RPS6KA2: variants seen among roughly 807,000 people sequenced by gnomAD.
RPS6KA2 encodes the protein ribosomal protein S6 kinase alpha-2.
A neutral mutation model predicts 91.8 loss-of-function variants in RPS6KA2; 42 were observed. That is an observed-to-expected ratio of 0.46 (90% CI 0.36 to 0.59). RPS6KA2 has a LOEUF of 0.59. RPS6KA2 is among the 20% of genes least tolerant of loss of function. The pLI, the probability that RPS6KA2 is intolerant of heterozygous loss-of-function variation, is 0.00. For synonymous variants in RPS6KA2, 414 were observed against 393.6 expected, an observed-to-expected ratio of 1.05 and a Z score of -0.61; for missense variants, 798 against 978.5, an observed-to-expected ratio of 0.82 and a Z score of 2.46.
intron 2 of RPS6KA2, among the ~76,000 whole-genome samples, chr6:166,853,773 C>T (rs1427077573): frequency 6.6e-6 from 1 of 152,258 alleles, no homozygotes; most frequent in Non-Finnish European, 1.5e-5. Context: ...GCCTGCAGGG[C>T]AGTCCCCAGG....
intron 2 of RPS6KA2, among the ~76,000 whole-genome samples, chr6:166,783,441 T>C (rs1778825441): frequency 6.6e-6 from 1 of 152,100 alleles, no homozygotes; most frequent in African/African-American, 2.4e-5. Flanking sequence ...CCCTGTGAAC[T>C]TGTGACTTGC....
chr6:166,478,711 G>A (rs1220258949), intron 10 of RPS6KA2, among the ~76,000 whole-genome samples: 1 of 152,192 alleles, frequency 6.6e-6, no homozygotes, highest in Non-Finnish European at 1.5e-5. Context: ...TGTCAGATGA[G>A]CAGGAAGCAA....
chr6:166,676,412 G>A (rs995272032), intron 2 of RPS6KA2, among the ~76,000 whole-genome samples: 3 of 152,164 alleles, frequency 2.0e-5, no homozygotes, highest in Middle Eastern at 3.4e-3. Flanking sequence ...CCCCAGGCCG[G>A]TCTCCCCTAG....
chr6:166,771,926 G>A (rs974394055), intron 2 of RPS6KA2, among the ~76,000 whole-genome samples: 21 of 152,168 alleles, frequency 1.4e-4, no homozygotes, highest in African/African-American at 5.1e-4. Context: ...CCTGCACTGC[G>A]GGTGCCCATT....
chr6:166,639,573 G>T lies in RPS6KA2; in HGVS notation c.124-100789C>A, dbSNP rs1787362759. Among the ~76,000 whole-genome samples the T allele has an allele frequency of 6.6e-6, 1 of 152,152 alleles. No homozygotes were observed. Among genetic ancestry groups the T allele is most frequent in the African/African-American group, 2.4e-5 (1 of 41,408 alleles). ...CCCCAGACTCTGTTCTTCCTAGCCA[G>T]GCCTTCTTCCATGTTGCGTTTGCCT... is the stretch of plus-strand genomic sequence containing the variant. On this transcript the variant is annotated intron_variant, in intron 2 of 21. Transcript: ENST00000503859. This position sits in a 1 kb window ranked among gnomAD's most constrained non-coding sequence, Gnocchi z 4.2.
At position 166,490,559 on chromosome 6, in the gene RPS6KA2, C is replaced by G. The variant is rs185241168; in HGVS notation, c.818+112G>C. 3 of 759,008 alleles carry G rather than the reference C, an allele frequency of 4.0e-6. No homozygotes were observed. Among genetic ancestry groups the G allele is most frequent in the African/African-American group, 3.5e-5 (2 of 56,796 alleles). 47.0% of individuals were successfully genotyped at this position (759,008 alleles called of 1,614,324 possible). On this transcript the variant is annotated intron_variant, in intron 9 of 20. Coordinates refer to ENST00000265678, the MANE Select transcript of RPS6KA2 (RefSeq NM_021135.6). This position sits in a 1 kb window ranked among gnomAD's most constrained non-coding sequence, Gnocchi z 4.2. ...TAGAAAACAGCTTACAATACTTTGG[C>G]ACTGTAAGCCTAGCAATGTAATTAA...
intron 2 of RPS6KA2, among the ~76,000 whole-genome samples, chr6:166,674,379 C>T (rs1010724146): frequency 2.6e-5 from 4 of 152,086 alleles, no homozygotes; most frequent in African/African-American, 7.2e-5. Context: ...CTGTGGTGTC[C>T]GTTCTGATGG....
At chr6:166,451,051 C>T (rs1423644450) in intron 13 of RPS6KA2, 52 bp downstream of exon 13, 4 of 1,607,814 alleles carry the variant, frequency 2.5e-6, no homozygotes, top group Admixed American at 1.7e-5. Flanking sequence ...CAGAGTCACC[C>T]ATCATCCAAG....
Position 166,702,179 on chromosome 6 carries a change from G to C in RPS6KA2, c.123+156021C>G, listed in dbSNP as rs758013585. Reference sequence around the variant, plus strand: ...GGTCTGTTTGGTGATGTTCCGAATGGTGGCACCTTCTTTTCCTATAATGGC... The same window carrying C: ...GGTCTGTTTGGTGATGTTCCGAATGCTGGCACCTTCTTTTCCTATAATGGC... On this transcript the variant is annotated intron_variant, in intron 2 of 21. Coordinates refer to the RPS6KA2 transcript ENST00000503859. 784 of 1,601,902 alleles carry C rather than the reference G, an allele frequency of 4.9e-4. 1 individual carries two copies. Among genetic ancestry groups the C allele is most frequent in the Non-Finnish European group, 6.0e-4 (706 of 1,169,036 alleles).
chr6:166,553,964 T>G (rs1784100164), intron 1 of RPS6KA2, among the ~76,000 whole-genome samples: 1 of 152,176 alleles, frequency 6.6e-6, no homozygotes, highest in Non-Finnish European at 1.5e-5. Context: ...GGTCAAAGTC[T>G]GTTCATGGGA....
chr6:166,817,731 T>C (rs923436061), intron 2 of RPS6KA2, among the ~76,000 whole-genome samples: 14 of 152,068 alleles, frequency 9.2e-5, no homozygotes, highest in Middle Eastern at 6.8e-3. Context: ...TTTCTTTTTT[T>C]TTTTTGTTTG....
chr6:166,578,553 G>A (rs925532609), intron 1 of RPS6KA2, among the ~76,000 whole-genome samples: 1 of 152,214 alleles, frequency 6.6e-6, no homozygotes, highest in African/African-American at 2.4e-5. Context: ...GCAGAAGAAA[G>A]CAAGCATCCC....
chr6:166,548,672 T>A (rs1262351495), intron 1 of RPS6KA2, among the ~76,000 whole-genome samples: 1 of 152,204 alleles, frequency 6.6e-6, no homozygotes, highest in Middle Eastern at 3.2e-3. Context: ...CCATCTCTTA[T>A]ACAATAATTA....
intron 2 of RPS6KA2, among the ~76,000 whole-genome samples, chr6:166,698,820 T>A (rs773090457): frequency 6.6e-6 from 1 of 152,164 alleles, no homozygotes; most frequent in African/African-American, 2.4e-5. Context: ...ACCAGCCTGG[T>A]TGGAGGACGG....
At chr6:166,837,105 C>G (rs79355261) in intron 2 of RPS6KA2, among the ~76,000 whole-genome samples, 1 of 152,126 alleles carries the variant, frequency 6.6e-6, no homozygotes, top group South Asian at 2.1e-4. Context: ...CGAGGAAGAC[C>G]GACGCTGTCC....
chr6:166,613,975 T>C (rs1189995920), intron 1 of RPS6KA2, among the ~76,000 whole-genome samples: 2 of 152,218 alleles, frequency 1.3e-5, no homozygotes, highest in African/African-American at 2.4e-5. Context: ...CTTCCCCGTC[T>C]TTCTGGGGAC....
intron 14 of RPS6KA2, among the ~76,000 whole-genome samples, chr6:166,441,377 CAT>C (rs1378910876): frequency 1.3e-5 from 2 of 152,192 alleles, no homozygotes; most frequent in Non-Finnish European, 2.9e-5. Flanking sequence ...CAAATTTTCA[CAT>C]GATTTCTATG....
chr6:166,582,732 A>G (rs921276948), intron 1 of RPS6KA2, among the ~76,000 whole-genome samples: 1 of 152,234 alleles, frequency 6.6e-6, no homozygotes, highest in Non-Finnish European at 1.5e-5. Flanking sequence ...CTTGACTGAA[A>G]AAGCCAGAAC....
chr6:166,517,455 G>GTTTT lies in RPS6KA2; in HGVS notation c.299-7102_299-7099dup, dbSNP rs71032809. Among the ~76,000 whole-genome samples, 230 of 104,882 alleles carry GTTTT rather than the reference G, an allele frequency of 2.2e-3. 7 individuals carry two copies. Among genetic ancestry groups the GTTTT allele is most frequent in the African/African-American group, 5.5e-3 (124 of 22,508 alleles). 68.8% of individuals were successfully genotyped at this position (104,882 alleles called of 152,430 possible). A position where few individuals can be genotyped will look rare whatever the true frequency, so the allele number is the denominator to read the frequency against. On this transcript the variant is annotated intron_variant, in intron 3 of 20. Coordinates refer to ENST00000265678, the MANE Select transcript of RPS6KA2 (RefSeq NM_021135.6). ...ACCACTTAAGGCGTTCTTTTGTTTT[G>GTTTT]TTTTTTTTTTTTTTTTTTTTTTTTT...
Sources: allele counts gnomAD v4.1 joint callset (sites outside exome capture counted in the v4.1 genomes callset), GRCh38; gene constraint gnomAD v4.1.1; non-coding constraint Gnocchi (gnomAD v3.1); transcripts MANE v1.5; gene names NCBI Gene and HGNC (gene_info 2026-07-23, HGNC 2026-07-21).